The following NEGR1 variants were observed in gnomAD, a reference collection of about 807,000 sequenced individuals.
NEGR1 encodes IgLON family member 4.
NEGR1 carries 10 observed loss-of-function variants against 40.9 expected under a neutral mutation model. That is an observed-to-expected ratio of 0.24 (90% CI 0.15 to 0.42). The LOEUF (loss-of-function observed/expected upper bound fraction) is 0.42, where lower values mean the gene tolerates loss of function less well. NEGR1 is among the 10% of genes least tolerant of loss of function. The pLI, the probability that NEGR1 is intolerant of heterozygous loss-of-function variation, is 1.00. For missense variants in NEGR1, 352 were observed against 438.9 expected (o/e 0.80, Z 1.77); for synonymous variants, 185 against 166.8 (o/e 1.11, Z -0.84).
At chr1:72,127,463 CAAAAAAAAAA>C (rs56301492) in intron 1 of NEGR1, among the ~76,000 whole-genome samples, 15 of 39,304 alleles carry the variant, frequency 3.8e-4, no homozygotes, top group African/African-American at 1.1e-3. Context: ...GGCTCTGTCT[CAAAAAAAAAA>C]AAAAAAAAAA....
At chr1:72,184,733 A>G (rs1364393248) in intron 1 of NEGR1, among the ~76,000 whole-genome samples, 1 of 152,048 alleles carries the variant, frequency 6.6e-6, no homozygotes, top group Admixed American at 6.6e-5. Flanking sequence ...TCATAGTACT[A>G]CCTACTGAAT....
chr1:72,266,083 C>T (rs749723965), intron 1 of NEGR1, among the ~76,000 whole-genome samples: 3 of 150,836 alleles, frequency 2.0e-5, no homozygotes, highest in Non-Finnish European at 3.0e-5. Flanking sequence ...ATTACATCAT[C>T]ATAATGTTAT....
intron 6 of NEGR1, among the ~76,000 whole-genome samples, chr1:71,507,691 C>T (rs915312640): frequency 1.4e-4 from 22 of 152,192 alleles, no homozygotes; most frequent in African/African-American, 5.1e-4. Flanking sequence ...AATATTAGAA[C>T]AGACTGTACC....
At chr1:71,585,983 G>A (rs952712292) in intron 6 of NEGR1, among the ~76,000 whole-genome samples, 7 of 152,026 alleles carry the variant, frequency 4.6e-5, no homozygotes, top group East Asian at 1.9e-4. Flanking sequence ...GACTAGTAGT[G>A]TATTGGCCAT....
At position 71,901,666 on chromosome 1, in the gene NEGR1, A is replaced by T. The variant is rs990930025; in HGVS notation, c.409+33413T>A. Among the ~76,000 whole-genome samples, 16 of 115,862 alleles carry T rather than the reference A, an allele frequency of 1.4e-4. No individual in the cohort carries two copies. The South Asian group carries it at 1.7e-3, about 12-fold the overall frequency. The allele number at this position is 115,862 out of a possible 152,430, so 76.0% of individuals were successfully genotyped here. A position where few individuals can be genotyped will look rare whatever the true frequency, so the allele number is the denominator to read the frequency against. On this transcript the variant is annotated intron_variant, in intron 2 of 6. Coordinates refer to ENST00000357731, the MANE Select transcript of NEGR1 (RefSeq NM_173808.3). ...CCATTTTTCTAAAAATGAGATATAA[A>T]TTTTTTTTTTTTTTTTTTTTTTGAG...
intron 4 of NEGR1, among the ~76,000 whole-genome samples, chr1:71,654,910 T>C (rs6688112): frequency 0.44 from 66,563 of 151,826 alleles, 15,510 homozygotes; most frequent in East Asian, 0.64. Flanking sequence ...GGATAAATAG[T>C]GATTAAAAAG....
Position 71,675,112 on chromosome 1 carries a change from C to CATATATATATATAT in NEGR1, c.667+22882_667+22895dup, listed in dbSNP as rs1553157758. Among the ~76,000 whole-genome samples, 168 of 45,172 alleles carry CATATATATATATAT rather than the reference C, an allele frequency of 3.7e-3. 15 individuals are homozygous for CATATATATATATAT. The highest frequency in any genetic ancestry group is 0.031 in the East Asian group (34 of 1,086). The allele number at this position is 45,172 out of a possible 152,430, so 29.6% of individuals were successfully genotyped here. A position where few individuals can be genotyped will look rare whatever the true frequency, so the allele number is the denominator to read the frequency against. ...GCAATATATAAAATGCATGTTTATT[C>CATATATATATATAT]ATATATATATATATACACACACACA... On this transcript the variant is annotated intron_variant, in intron 4 of 6. Transcript: ENST00000357731.
chr1:72,153,567 T>C lies in NEGR1; in HGVS notation c.176+128752A>G, dbSNP rs559474581. Among the ~76,000 whole-genome samples the C allele has an allele frequency of 5.3e-5, 8 of 152,032 alleles. No individual in the cohort carries two copies. The South Asian group carries it at 8.3e-4, about 16-fold the overall frequency. ...ATATATAGAACTGAAAGTCAGAATT[T>C]AGATAAGTGGTGGTGATGATACATG... On this transcript the variant is annotated intron_variant, in intron 1 of 6. Transcript: ENST00000357731.
intron 3 of NEGR1, among the ~76,000 whole-genome samples, chr1:71,740,015 A>C (rs1422657742): frequency 6.6e-6 from 1 of 152,192 alleles, no homozygotes; most frequent in Non-Finnish European, 1.5e-5. Flanking sequence ...ATACAGAAAG[A>C]TTATTAACAA....
intron 6 of NEGR1, among the ~76,000 whole-genome samples, chr1:71,566,694 T>C (rs534279644): frequency 4.7e-4 from 72 of 152,198 alleles, no homozygotes; most frequent in Non-Finnish European, 8.2e-4. Context: ...ACTTCTCATT[T>C]CTGATCATGT....
intron 2 of NEGR1, among the ~76,000 whole-genome samples, chr1:71,854,128 A>G (rs1252548418): frequency 6.6e-6 from 1 of 152,094 alleles, no homozygotes; most frequent in African/African-American, 2.4e-5. Context: ...GCTTTGCCCT[A>G]TACCTTGTCA....
At chr1:72,030,949 G>C (rs1466443970) in intron 1 of NEGR1, among the ~76,000 whole-genome samples, 1 of 152,142 alleles carries the variant, frequency 6.6e-6, no homozygotes, top group East Asian at 1.9e-4. Flanking sequence ...ATCATGTTTT[G>C]TGCATAGTTT....
At chr1:71,553,963 T>C (rs1228045363) in intron 6 of NEGR1, among the ~76,000 whole-genome samples, 1 of 151,544 alleles carries the variant, frequency 6.6e-6, no homozygotes, top group African/African-American at 2.4e-5. Flanking sequence ...TAAGAGTTAA[T>C]AGTAACTTAG....
intron 3 of NEGR1, among the ~76,000 whole-genome samples, chr1:71,768,697 G>T (rs1656214880): frequency 6.6e-6 from 1 of 152,116 alleles, no homozygotes; most frequent in South Asian, 2.1e-4. Flanking sequence ...AGATTTTTAG[G>T]AGGTGTCAGT....
intron 2 of NEGR1, among the ~76,000 whole-genome samples, chr1:71,869,327 T>C (rs867817825): frequency 1.2e-4 from 19 of 152,136 alleles, no homozygotes; most frequent in African/African-American, 4.6e-4. Flanking sequence ...TAGACAAATA[T>C]AGTGAGCCTA....
chr1:71,398,182 CCA>C lies in NEGR1; in HGVS notation c.*9262_*9263del, dbSNP rs1646224345. 6.6e-6 allele frequency: 1 copy of C among 152,402 alleles called. No homozygotes were observed. Among genetic ancestry groups the C allele is most frequent in the Admixed American group, 6.5e-5 (1 of 15,304 alleles). 9.4% of individuals were successfully genotyped at this position (152,402 alleles called of 1,614,324 possible). A position where few individuals can be genotyped will look rare whatever the true frequency, so the allele number is the denominator to read the frequency against. ...GCAGAAGGAAAATGTGGAGTGAGCC[CCA>C]CACAGAGTCCCTACTGGGACACCAC... On this transcript the variant is annotated 3_prime_UTR_variant, in exon 7 of 7. Transcript: ENST00000357731.
intron 6 of NEGR1, chr1:71,486,963 T>C (rs1434651984): frequency 2.6e-5 from 4 of 151,598 alleles, no homozygotes; most frequent in Admixed American, 2.0e-4. Flanking sequence ...GAACTGTGTT[T>C]ACTTGATTGT....
intron 1 of NEGR1, among the ~76,000 whole-genome samples, chr1:71,978,774 C>A (rs533346718): frequency 6.6e-6 from 1 of 152,100 alleles, no homozygotes; most frequent in African/African-American, 2.4e-5. Flanking sequence ...ATTAGTTCAA[C>A]CTTTGTGGAA....
At position 71,725,655 on chromosome 1, in the gene NEGR1, T is replaced by G. The variant is rs188773791; in HGVS notation, c.536-27516A>C. Among the ~76,000 whole-genome samples the G allele has an allele frequency of 2.6e-4, 39 of 152,276 alleles. No individual in the cohort carries two copies. In the East Asian group the frequency reaches 6.8e-3, roughly 26 times the overall value. The stretch of plus-strand genomic sequence containing the variant: ...GTATTTTGATAACTTATTTCCAGAA[T>G]GCATCCTCACGAAATCTCTGTAGGC... On this transcript the variant is annotated intron_variant, in intron 3 of 6. Transcript: ENST00000357731.
Sources: allele counts gnomAD v4.1 joint callset (sites outside exome capture counted in the v4.1 genomes callset), GRCh38; gene constraint gnomAD v4.1.1; transcripts MANE v1.5; gene names NCBI Gene and HGNC (gene_info 2026-07-23, HGNC 2026-07-21).